Variants in MGAT4C observed in about 807,000 individuals in gnomAD.
MGAT4C encodes the protein alpha-1,3-mannosyl-glycoprotein 4-beta-N-acetylglucosaminyltransferase C.
MGAT4C carries 19 observed loss-of-function variants against 40.1 expected under a neutral mutation model. The ratio of observed to expected loss-of-function variants is 0.47; its 90% CI spans 0.33 to 0.70. MGAT4C has a LOEUF of 0.70. MGAT4C is among the 30% of genes least tolerant of loss of function. The pLI, the probability that MGAT4C is intolerant of heterozygous loss-of-function variation, is 0.02. For synonymous variants in MGAT4C, 181 were observed against 187.1 expected (o/e 0.97, Z 0.27); for missense variants, 491 against 563.2 (o/e 0.87, Z 1.30).
chr12:86,619,217 A>G (rs1205911333), intron 2 of MGAT4C, among the ~76,000 whole-genome samples: 1 of 152,116 alleles, frequency 6.6e-6, no homozygotes, highest in African/African-American at 2.4e-5. Context: ...GAACAACTAT[A>G]TCTCTATATC....
At position 86,024,506 on chromosome 12, in the gene MGAT4C, A is replaced by G. The variant is rs192242316; in HGVS notation, c.-7+25168T>C. ...TATTTTGTAAAATTACTGCTCTTACATTGATTTTATAGAAGATATAATTTT... is the reference window on the plus strand; with the variant it reads ...TATTTTGTAAAATTACTGCTCTTACGTTGATTTTATAGAAGATATAATTTT... On this transcript the variant is annotated intron_variant, in intron 2 of 4. Coordinates refer to ENST00000611864, the MANE Select transcript of MGAT4C (RefSeq NM_001351288.2). 3.8e-3 allele frequency among the ~76,000 whole-genome samples: 580 copies of G among 151,842 alleles called. 13 individuals are homozygous for G. The South Asian group carries it at 0.053, about 14-fold the overall frequency.
chr12:86,366,308 T>C (rs1955595219), intron 3 of MGAT4C, among the ~76,000 whole-genome samples: 1 of 152,232 alleles, frequency 6.6e-6, no homozygotes, highest in Non-Finnish European at 1.5e-5. Flanking sequence ...TTTCTATGTA[T>C]AGAATCATAT....
At chr12:86,333,083 A>C (rs988405710) in intron 4 of MGAT4C, among the ~76,000 whole-genome samples, 9 of 152,168 alleles carry the variant, frequency 5.9e-5, no homozygotes, top group African/African-American at 1.9e-4. Context: ...CACACAGAGT[A>C]GTATGTATGA....
Position 85,976,534 on chromosome 12 carries a change from T to C in MGAT4C, c.*2755A>G, listed in dbSNP as rs888391423. 3 of 150,442 alleles carry C rather than the reference T, an allele frequency of 2.0e-5. No homozygotes were observed. The highest frequency in any genetic ancestry group is 4.5e-5 in the Non-Finnish European group (3 of 67,032). The allele number at this position is 150,442 out of a possible 1,614,324, so 9.3% of individuals were successfully genotyped here. ...ATTCTGAGGCATTATTTAAGGTGCA[T>C]ACTGTATTTTTTGCTTGAAACCTGT... On this transcript the variant is annotated 3_prime_UTR_variant, in exon 5 of 5. Transcript: ENST00000611864.
At chr12:86,323,748 T>A (rs932468405) in intron 4 of MGAT4C, among the ~76,000 whole-genome samples, 1 of 151,982 alleles carries the variant, frequency 6.6e-6, no homozygotes, top group Non-Finnish European at 1.5e-5. Flanking sequence ...AGCTTCATGC[T>A]TCATGCCTTC....
At chr12:86,520,002 G>GT (rs1221692766) in intron 2 of MGAT4C, among the ~76,000 whole-genome samples, 1 of 151,894 alleles carries the variant, frequency 6.6e-6, no homozygotes, top group Non-Finnish European at 1.5e-5. Context: ...TTCCCCCAAT[G>GT]TTTTTTTCTA....
In MGAT4C at chr12:85,961,653, C is replaced by T. The variant is rs1883117394; in HGVS notation, c.*17636G>A. 1 of 151,750 alleles carries T rather than the reference C, an allele frequency of 6.6e-6. No individual in the cohort carries two copies. The highest frequency in any genetic ancestry group is 2.1e-4 in the South Asian group (1 of 4,828). The allele number at this position is 151,750 out of a possible 1,614,324, so 9.4% of individuals were successfully genotyped here. A position where few individuals can be genotyped will look rare whatever the true frequency, so the allele number is the denominator to read the frequency against. On this transcript the variant is annotated 3_prime_UTR_variant, in exon 5 of 5. Coordinates refer to ENST00000611864, the MANE Select transcript of MGAT4C (RefSeq NM_001351288.2). ...ATTTCCATGTCAGATACAATAAGAG[C>T]AACGGAAGAAAATGTATCAAAACAC...
chr12:86,346,388 C>T (rs1955033291), intron 3 of MGAT4C, among the ~76,000 whole-genome samples: 1 of 152,028 alleles, frequency 6.6e-6, no homozygotes, highest in Admixed American at 6.6e-5. Context: ...CCATGCCCGA[C>T]TAATTTTTGT....
intron 2 of MGAT4C, among the ~76,000 whole-genome samples, chr12:86,509,454 C>T (rs982026258): frequency 2.6e-5 from 4 of 152,078 alleles, no homozygotes; most frequent in Admixed American, 1.3e-4. Flanking sequence ...TGCTGTTTTA[C>T]TTACTGTAAC....
intron 2 of MGAT4C, among the ~76,000 whole-genome samples, chr12:86,611,350 TAGAC>T (rs778020808): frequency 1.8e-4 from 27 of 151,718 alleles, no homozygotes; most frequent in African/African-American, 4.1e-4. Context: ...GTATGATAGA[TAGAC>T]AGGCAGACAG....
intron 2 of MGAT4C, among the ~76,000 whole-genome samples, chr12:86,579,790 T>C (rs374873096): frequency 6.6e-6 from 1 of 151,556 alleles, no homozygotes. Context: ...TTCTCTTTCA[T>C]GTTTGAAGAA....
In MGAT4C at chr12:86,768,897, C is replaced by T. The variant is rs531551225; in HGVS notation, c.-261-41656G>A. Among the ~76,000 whole-genome samples, 67 of 152,102 alleles carry T rather than the reference C, an allele frequency of 4.4e-4. 1 individual carries two copies. Among genetic ancestry groups the T allele is most frequent in the Admixed American group, 1.3e-3 (20 of 15,274 alleles). ...ATGGATTAAAGACTTAAACATTAGACCTAAAACCATAAAAACCCTAGAAGA... is the reference window on the plus strand; with the variant it reads ...ATGGATTAAAGACTTAAACATTAGATCTAAAACCATAAAAACCCTAGAAGA... On this transcript the variant is annotated intron_variant, in intron 1 of 7. Coordinates refer to the MGAT4C transcript ENST00000548651.
At chr12:86,269,925 TA>T (rs1464473667) in intron 4 of MGAT4C, among the ~76,000 whole-genome samples, 1 of 152,212 alleles carries the variant, frequency 6.6e-6, no homozygotes. Flanking sequence ...TAAAGTTTAT[TA>T]TTTTAAACCA....
chr12:86,028,020 C>A, intron 2 of MGAT4C: 1 of 709,940 alleles, frequency 1.4e-6, no homozygotes, highest in Non-Finnish European at 2.1e-6. Flanking sequence ...ATTCTCCAGG[C>A]TTTGAAAATC....
At chr12:86,090,140 T>C (rs1368921349) in intron 1 of MGAT4C, among the ~76,000 whole-genome samples, 1 of 151,650 alleles carries the variant, frequency 6.6e-6, no homozygotes, top group African/African-American at 2.4e-5. Flanking sequence ...CACTTTAGAT[T>C]TTAGCCATTT....
At chr12:86,022,371 T>C (rs1889820845) in intron 2 of MGAT4C, 1 of 152,210 alleles carries the variant, frequency 6.6e-6, no homozygotes, top group Admixed American at 6.5e-5. Flanking sequence ...GAAGCCCTAC[T>C]ATGCACATGG....
intron 1 of MGAT4C, among the ~76,000 whole-genome samples, chr12:86,793,847 T>A (rs1952068040): frequency 1.3e-5 from 2 of 152,054 alleles, no homozygotes; most frequent in South Asian, 4.1e-4. Flanking sequence ...TTTTATAGAT[T>A]AAGCTGAATT....
Position 86,059,833 on chromosome 12 carries a change from C to T in MGAT4C, c.-56-10110G>A, listed in dbSNP as rs548611278. ...GAGCAGCAGCCCCTAACACAAGACT[C>T]TAACACCGTGTAAGATAAGTTTTCA... On this transcript the variant is annotated intron_variant, in intron 1 of 4. Coordinates refer to ENST00000611864, the MANE Select transcript of MGAT4C (RefSeq NM_001351288.2). Among the ~76,000 whole-genome samples, 12 of 152,274 alleles carry T rather than the reference C, an allele frequency of 7.9e-5. No homozygotes were observed. In the South Asian group the frequency reaches 2.1e-3, roughly 26 times the overall value.
chr12:86,624,799 A>G (rs1025630217), intron 2 of MGAT4C, among the ~76,000 whole-genome samples: 4 of 152,132 alleles, frequency 2.6e-5, no homozygotes, highest in Non-Finnish European at 5.9e-5. Flanking sequence ...GGAAAAAAGC[A>G]CTCAATAAAA....
Sources: gnomAD v4.1 joint callset for allele counts (sites outside exome capture counted in the v4.1 genomes callset) on GRCh38, gnomAD v4.1.1 for gene constraint, MANE v1.5 for transcripts, NCBI Gene and HGNC (gene_info 2026-07-23, HGNC 2026-07-21) for gene names.